RAB37: variants seen among roughly 807,000 people sequenced by gnomAD.
The protein encoded by RAB37 is RAB37, member RAS oncogene family, also known as ras-related protein Rab-37.
In RAB37, 29 loss-of-function variants were observed where a neutral mutation model predicts 33.1. That is an observed-to-expected ratio of 0.88 (90% confidence interval 0.65 to 1.20). The LOEUF (loss-of-function observed/expected upper bound fraction) is 1.20, where lower values mean the gene tolerates loss of function less well. RAB37 is among the 50% of genes most tolerant of loss of function. RAB37 has a pLI of 0.00. For synonymous variants in RAB37, 128 were observed against 119.5 expected (o/e 1.07, Z -0.47); for missense variants, 299 against 301.1 (o/e 0.99, Z 0.05).
chr17:74,696,149 A>C (rs2143559073), intron 1 of RAB37: 1 of 1,577,346 alleles, frequency 6.3e-7, no homozygotes, highest in Non-Finnish European at 8.6e-7. Context: ...AGGAAGGGGA[A>C]AGAAGCTGCC....
Position 74,746,244 on chromosome 17 carries a change from A to G in RAB37, c.*833A>G, listed in dbSNP as rs2034757267. On this transcript the variant is annotated 3_prime_UTR_variant, in exon 9 of 9. Coordinates refer to ENST00000392613, the MANE Select transcript of RAB37 (RefSeq NM_001006638.3). The surrounding 1 kb of genome is among the most constrained non-coding windows in gnomAD (Gnocchi z 5.2). ...AGAGTTTTGTTTTTATTTTTTTGAA[A>G]TGGAGTCTCGTTCTGTCGCCCAGGC... is the stretch of plus-strand genomic sequence containing the variant. 6.6e-6 allele frequency: 1 copy of G among 152,178 alleles called. No homozygotes were observed. The highest frequency in any genetic ancestry group is 2.1e-4 in the South Asian group (1 of 4,830). The allele number at this position is 152,178 out of a possible 1,614,324, so 9.4% of individuals were successfully genotyped here.
Position 74,725,763 on chromosome 17 carries a change from A to C in RAB37, c.73-3493A>C, listed in dbSNP as rs1263406744. 3.9e-5 allele frequency among the ~76,000 whole-genome samples: 6 copies of C among 152,006 alleles called. No homozygotes were observed. The East Asian group carries it at 1.2e-3, about 30-fold the overall frequency. On this transcript the variant is annotated intron_variant, in intron 1 of 7. Coordinates refer to the RAB37 transcript ENST00000340415. The stretch of plus-strand genomic sequence containing the variant: ...CTCAGCCTCCCAAGTAGCTGGGATT[A>C]CAGGTGCCTGCCATCACGCCTGGCT...
rs764982000 is a variant in RAB37, at chr17:74,740,863, C to T, written c.189C>T (p.Val63=). 1.3e-5 allele frequency: 21 copies of T among 1,612,254 alleles called. No homozygotes were observed. Among genetic ancestry groups the T allele is most frequent in the Admixed American group, 6.7e-5 (4 of 59,998 alleles). The change falls in exon 2 of 9, where the codon GTC becomes GTT. Residue 63 remains valine (V), a synonymous_variant. Coordinates refer to ENST00000392613, the MANE Select transcript of RAB37 (RefSeq NM_001006638.3). ...AFLSGTFIAT[V]GIDFRNKVVT... ...TGTCCGGAACCTTCATAGCCACCGTCGGCATAGACTTCAGGGTGAGGTGGC... is the reference window on the plus strand; with the variant it reads ...TGTCCGGAACCTTCATAGCCACCGTTGGCATAGACTTCAGGGTGAGGTGGC...
intron 1 of RAB37, among the ~76,000 whole-genome samples, chr17:74,721,131 G>C (rs1414234932): frequency 6.6e-6 from 1 of 152,162 alleles, no homozygotes; most frequent in Non-Finnish European, 1.5e-5. Context: ...GGGACATGGT[G>C]GGCCAGGGTG....
intron 1 of RAB37, chr17:74,698,219 C>T (rs1342840897): frequency 2.8e-5 from 18 of 647,464 alleles, no homozygotes; most frequent in Non-Finnish European, 4.5e-5. Flanking sequence ...GGGCGCCCCC[C>T]GGTCCCCTGG....
intron 1 of RAB37, among the ~76,000 whole-genome samples, chr17:74,705,761 A>C (rs2143801958): frequency 6.6e-6 from 1 of 152,052 alleles, no homozygotes; most frequent in Middle Eastern, 3.4e-3. Context: ...CGCCTGGCTA[A>C]TTTTTGTAGT....
intron 1 of RAB37, among the ~76,000 whole-genome samples, chr17:74,691,466 G>A (rs115634953): frequency 2.6e-5 from 4 of 152,224 alleles, no homozygotes; most frequent in East Asian, 1.9e-4. Context: ...CACCATGCCC[G>A]GCCTGTAGAC....
At chr17:74,674,036 T>C (rs1232747315) in intron 1 of RAB37, among the ~76,000 whole-genome samples, 1 of 152,202 alleles carries the variant, frequency 6.6e-6, no homozygotes, top group Non-Finnish European at 1.5e-5. Flanking sequence ...TTAGTGTCTA[T>C]TGTCCATGAG....
chr17:74,729,251 T>C lies in RAB37; in HGVS notation c.73-5T>C. 1 of 1,611,212 alleles carries C rather than the reference T, an allele frequency of 6.2e-7. No individual in the cohort carries two copies. Among genetic ancestry groups the C allele is most frequent in the Non-Finnish European group, 8.5e-7 (1 of 1,177,410 alleles). Reference sequence around the variant, plus strand: ...CTCAGCTCTCTCTCTATTGTTCCCTTCCAGACCATCCTGGTGGGTGACAGT... The same window carrying C: ...CTCAGCTCTCTCTCTATTGTTCCCTCCCAGACCATCCTGGTGGGTGACAGT... On this transcript the variant is annotated splice_polypyrimidine_tract_variant and splice_region_variant and intron_variant, in intron 1 of 7. Transcript: ENST00000340415. The surrounding 1 kb of genome is among the most constrained non-coding windows in gnomAD (Gnocchi z 4.2).
Position 74,744,889 on chromosome 17 carries a change from A to G in RAB37, c.449A>G (p.Glu150Gly), listed in dbSNP as rs774756333. ...LLGNKADMSS[E>G]RVIRSEDGET... ...GCTTGACAGGCGGATATGAGCAGCG[A>G]AAGAGTGATCCGTTCCGAAGACGGA... Residue 150 changes from glutamate to glycine, a missense_variant, in exon 7 of 9, where the codon GAA (glutamate) becomes GGA (glycine). By Grantham distance (98) the Glu-to-Gly change is moderately conservative. Transcript: ENST00000392613. This position sits in a 1 kb window ranked among gnomAD's most constrained non-coding sequence, Gnocchi z 4.2. 2.5e-6 allele frequency: 4 copies of G among 1,614,152 alleles called. No homozygotes were observed. The highest frequency in any genetic ancestry group is 8.5e-7 in the Non-Finnish European group (1 of 1,180,054).
Position 74,684,553 on chromosome 17 carries a change from C to T in RAB37, c.72+12895C>T, listed in dbSNP as rs142773290. Among the ~76,000 whole-genome samples the T allele has an allele frequency of 2.2e-3, 340 of 152,144 alleles. 1 individual carries two copies. The highest frequency in any genetic ancestry group is 8.0e-3 in the African/African-American group (332 of 41,490). ...CTATAATCCCAGCACTTTCGGAGGC[C>T]GAGGTAGCTGGATCACTTGAGGTCA... On this transcript the variant is annotated intron_variant, in intron 1 of 7. Coordinates refer to the RAB37 transcript ENST00000340415.
At chr17:74,734,956 GAAGA>G (rs1182325984), upstream of RAB37, among the ~76,000 whole-genome samples, 7 of 80,166 alleles carry the variant, frequency 8.7e-5, no homozygotes, top group South Asian at 3.1e-4. Flanking sequence ...AAGAGAGAAA[GAAGA>G]AAGAAAGAAA....
At chr17:74,727,557 G>A (rs1243592739) in intron 1 of RAB37, among the ~76,000 whole-genome samples, 1 of 152,242 alleles carries the variant, frequency 6.6e-6, no homozygotes, top group African/African-American at 2.4e-5. Flanking sequence ...CAGTGTCCCT[G>A]CTGTGCTCCG....
At chr17:74,673,621 C>T (rs543048451) in intron 1 of RAB37, among the ~76,000 whole-genome samples, 4 of 152,036 alleles carry the variant, frequency 2.6e-5, no homozygotes, top group South Asian at 2.1e-4. Flanking sequence ...TACCCACACA[C>T]GAGATGTAGG....
At chr17:74,675,817 C>T (rs999499157) in intron 1 of RAB37, among the ~76,000 whole-genome samples, 2 of 152,172 alleles carry the variant, frequency 1.3e-5, no homozygotes, top group Admixed American at 1.3e-4. Context: ...TGGAGGCTGA[C>T]CCAGGCAAGC....
At chr17:74,719,529 A>T (rs1033681306) in intron 1 of RAB37, among the ~76,000 whole-genome samples, 1 of 151,948 alleles carries the variant, frequency 6.6e-6, no homozygotes, top group Non-Finnish European at 1.5e-5. Context: ...TTCTTTTGAG[A>T]TGGGTTCTCA....
upstream of RAB37, among the ~76,000 whole-genome samples, chr17:74,735,172 A>G (rs978873329): frequency 2.9e-5 from 4 of 136,932 alleles, no homozygotes; most frequent in African/African-American, 5.4e-5. Context: ...AGAAGGAAGG[A>G]AGGGAGGGAG....
rs1362994213 is a variant in RAB37, at chr17:74,695,960, G to A, written c.72+24302G>A. The stretch of plus-strand genomic sequence containing the variant: ...GACGAGAGCCTCTCCACTTCCCCAG[G>A]TGCCCCTCTCCCATTTCCCTCCGTG... On this transcript the variant is annotated intron_variant, in intron 1 of 7. Coordinates refer to the RAB37 transcript ENST00000340415. 55 of 1,410,624 alleles carry A rather than the reference G, an allele frequency of 3.9e-5. No individual in the cohort carries two copies. The East Asian group carries it at 5.4e-4, about 14-fold the overall frequency. 87.4% of individuals were successfully genotyped at this position (1,410,624 alleles called of 1,614,324 possible).
Position 74,671,561 on chromosome 17 carries a change from C to A in RAB37, c.-26C>A. 1 of 1,612,002 alleles carries A rather than the reference C, an allele frequency of 6.2e-7. No homozygotes were observed. Among genetic ancestry groups the A allele is most frequent in the Non-Finnish European group, 8.5e-7 (1 of 1,178,306 alleles). ...GCGCTGACGCAGAGCGCAGGGAGAG[C>A]CGGAGCGGCGAGCTCCAAGCCTGGC... On this transcript the variant is annotated 5_prime_UTR_variant, in exon 1 of 8. Transcript: ENST00000340415. The surrounding 1 kb of genome is among the most constrained non-coding windows in gnomAD (Gnocchi z 5.0).
Sources: gnomAD v4.1 joint callset for allele counts (sites outside exome capture counted in the v4.1 genomes callset) on GRCh38, gnomAD v4.1.1 for gene constraint, Gnocchi (gnomAD v3.1) non-coding constraint, MANE v1.5 for transcripts, NCBI Gene and HGNC (gene_info 2026-07-23, HGNC 2026-07-21) for gene names.